The following LIPC variants were observed in gnomAD, a reference collection of about 807,000 sequenced individuals.
LIPC encodes the protein hepatic triacylglycerol lipase.
LIPC carries 44 observed loss-of-function variants against 50.7 expected under a neutral mutation model. The ratio of observed to expected loss-of-function variants is 0.87; its 90% confidence interval spans 0.68 to 1.11. The LOEUF (loss-of-function observed/expected upper bound fraction) is 1.11. Ranked by LOEUF, LIPC falls within the 50% of genes most tolerant of loss-of-function variation. LIPC has a pLI of 0.00. For synonymous variants in LIPC, 271 were observed against 256.4 expected (o/e 1.06, Z -0.54); for missense variants, 697 against 648.2 (o/e 1.08, Z -0.82).
In LIPC at chr15:58,499,023, A is replaced by G. The variant is rs201294497; in HGVS notation, c.89-39310A>G. On this transcript the variant is annotated intron_variant, in intron 1 of 8. Transcript: ENST00000299022. The stretch of plus-strand genomic sequence containing the variant: ...TGTCAACGGCCTTGCTTCGCTGAGC[A>G]TGGAAAAGCACGTGTCAGGCAGAGC... 3.0e-4 allele frequency among the ~76,000 whole-genome samples: 46 copies of G among 152,320 alleles called. No individual in the cohort carries two copies. The East Asian group carries it at 6.4e-3, about 21-fold the overall frequency.
chr15:58,476,929 T>C (rs1448718181), intron 1 of LIPC, among the ~76,000 whole-genome samples: 6 of 152,224 alleles, frequency 3.9e-5, no homozygotes, highest in Admixed American at 1.3e-4. Flanking sequence ...GGGCACGTCC[T>C]GCTCTCTGAC....
chr15:58,474,513 GAAAAA>G (rs67354532), intron 1 of LIPC, among the ~76,000 whole-genome samples: 6 of 130,778 alleles, frequency 4.6e-5, no homozygotes, highest in Non-Finnish European at 9.6e-5. Flanking sequence ...CCTGTCTCAG[GAAAAA>G]AAAAAAAAAA....
At chr15:58,459,947 C>T (rs1894280347) in intron 1 of LIPC, among the ~76,000 whole-genome samples, 1 of 152,206 alleles carries the variant, frequency 6.6e-6, no homozygotes, top group Non-Finnish European at 1.5e-5. Context: ...GCAGCAGGCT[C>T]ACACCTAGCA....
intron 1 of LIPC, among the ~76,000 whole-genome samples, chr15:58,437,384 AG>A (rs1293866454): frequency 5.3e-5 from 8 of 152,146 alleles, no homozygotes; most frequent in African/African-American, 1.4e-4. Flanking sequence ...GCAATAATGT[AG>A]GGAAAAAAAA....
intron 8 of LIPC, among the ~76,000 whole-genome samples, chr15:58,567,333 A>G (rs1218259553): frequency 1.3e-4 from 10 of 74,928 alleles, no homozygotes; most frequent in Admixed American, 1.3e-3. Flanking sequence ...GTATATATAT[A>G]TATATGTATA....
intron 1 of LIPC, among the ~76,000 whole-genome samples, chr15:58,487,275 C>A (rs1279711459): frequency 6.6e-6 from 1 of 152,328 alleles, no homozygotes; most frequent in South Asian, 2.1e-4. Context: ...CCTTGTAGAG[C>A]TTCCATTCTC....
chr15:58,442,470 A>G (rs997458827), intron 1 of LIPC, among the ~76,000 whole-genome samples: 15 of 152,226 alleles, frequency 9.9e-5, no homozygotes, highest in African/African-American at 3.6e-4. Flanking sequence ...TCAGGGCCTG[A>G]CATGCAGCAG....
At chr15:58,487,017 C>T (rs903377675) in intron 1 of LIPC, among the ~76,000 whole-genome samples, 26 of 152,180 alleles carry the variant, frequency 1.7e-4, no homozygotes, top group Admixed American at 1.4e-3. Context: ...GTGTACCTCA[C>T]ACTGTGCTAG....
At chr15:58,565,185 C>CA in intron 8 of LIPC, 1 of 1,535,480 alleles carries the variant, frequency 6.5e-7, no homozygotes, top group Non-Finnish European at 8.7e-7. Flanking sequence ...ACAGATCTCC[C>CA]AACAGGATCA....
At chr15:58,463,965 C>T (rs1338164516) in intron 1 of LIPC, among the ~76,000 whole-genome samples, 2 of 152,080 alleles carry the variant, frequency 1.3e-5, no homozygotes, top group Non-Finnish European at 2.9e-5. Flanking sequence ...ATACAAGAGT[C>T]CACAATGACA....
rs542752846 is a variant in LIPC at position 58,550,973 on chromosome 15, A to G, written c.1051+2401A>G. Reference sequence around the variant, plus strand: ...TGCCTCAGCCTCCTAAGTAGCTGGGATTACCAGCGTGCACCACCACGCCCA... The same window carrying G: ...TGCCTCAGCCTCCTAAGTAGCTGGGGTTACCAGCGTGCACCACCACGCCCA... On this transcript the variant is annotated intron_variant, in intron 6 of 8. Coordinates refer to ENST00000299022, the MANE Select transcript of LIPC (RefSeq NM_000236.3). 1.8e-3 allele frequency among the ~76,000 whole-genome samples: 274 copies of G among 151,142 alleles called. 4 individuals carry two copies. Among genetic ancestry groups the G allele is most frequent in the African/African-American group, 6.3e-3 (260 of 41,030 alleles).
At chr15:58,521,994 G>C (rs1171828342) in intron 1 of LIPC, 1 of 152,152 alleles carries the variant, frequency 6.6e-6, no homozygotes, top group Non-Finnish European at 1.5e-5. Flanking sequence ...AACCAGAAGA[G>C]AGTTTGCGTC....
intron 5 of LIPC, among the ~76,000 whole-genome samples, chr15:58,547,436 C>G (rs908681223): frequency 1.3e-5 from 2 of 152,082 alleles, no homozygotes; most frequent in African/African-American, 2.4e-5. Flanking sequence ...TAGTAGGTGC[C>G]CAAGGAATGC....
At chr15:58,530,853 C>G (rs1180310102) in intron 1 of LIPC, among the ~76,000 whole-genome samples, 3 of 152,156 alleles carry the variant, frequency 2.0e-5, no homozygotes, top group African/African-American at 7.2e-5. Context: ...GTTCCTTTTT[C>G]CTGCTGAGTA....
intron 1 of LIPC, among the ~76,000 whole-genome samples, chr15:58,520,274 G>A (rs756709825): frequency 6.6e-6 from 1 of 152,024 alleles, no homozygotes; most frequent in Non-Finnish European, 1.5e-5. Flanking sequence ...CAAGGTGGGC[G>A]GGCAGTCAGG....
chr15:58,509,438 C>T (rs1302386363), intron 1 of LIPC, among the ~76,000 whole-genome samples: 1 of 152,234 alleles, frequency 6.6e-6, no homozygotes, highest in African/African-American at 2.4e-5. Flanking sequence ...GCAGGTTACT[C>T]TCTCTGAGTC....
chr15:58,510,250 T>G (rs1242580117), intron 1 of LIPC, among the ~76,000 whole-genome samples: 1 of 152,214 alleles, frequency 6.6e-6, no homozygotes, highest in African/African-American at 2.4e-5. Flanking sequence ...TCTTTGAATG[T>G]GGAATATATC....
At chr15:58,444,848 G>A (rs1403991652) in intron 1 of LIPC, among the ~76,000 whole-genome samples, 1 of 152,214 alleles carries the variant, frequency 6.6e-6, no homozygotes, top group Non-Finnish European at 1.5e-5. Flanking sequence ...GCCCTGCTGT[G>A]ACCCGGGTCC....
At chr15:58,516,903 G>T (rs1309795921) in intron 1 of LIPC, among the ~76,000 whole-genome samples, 1 of 152,154 alleles carries the variant, frequency 6.6e-6, no homozygotes, top group African/African-American at 2.4e-5. Flanking sequence ...ACCGGACATT[G>T]TGAATTTTAC....
Sources: allele counts gnomAD v4.1 joint callset (sites outside exome capture counted in the v4.1 genomes callset), GRCh38; gene constraint gnomAD v4.1.1; transcripts MANE v1.5; gene names NCBI Gene and HGNC (gene_info 2026-07-23, HGNC 2026-07-21).